AOPEP: variants seen among roughly 807,000 people sequenced by gnomAD.
The protein encoded by AOPEP is aminopeptidase O.
AOPEP carries 77 observed loss-of-function variants against 98.1 expected under a neutral mutation model. That is an observed-to-expected ratio of 0.78 (90% CI 0.65 to 0.95). The LOEUF is 0.95. Among genes scored for constraint, AOPEP ranks in the 40% least tolerant of loss-of-function variants. The pLI is 0.00. For missense variants in AOPEP, 1,024 were observed against 1,024.7 expected, an observed-to-expected ratio of 1.00 and a Z score of 0.01; for synonymous variants, 346 against 365.3, an observed-to-expected ratio of 0.95 and a Z score of 0.60.
intron 4 of AOPEP, 109 bp downstream of exon 4, chr9:94,793,027 C>T: frequency 1.6e-6 from 2 of 1,243,032 alleles, no homozygotes; most frequent in African/African-American, 1.5e-5. Flanking sequence ...TGCTGAGAAA[C>T]TAAACCAAAA....
chr9:94,931,814 A>T (rs1396092243), intron 7 of AOPEP: 42 of 1,545,202 alleles, frequency 2.7e-5, no homozygotes, highest in Non-Finnish European at 3.7e-5. Flanking sequence ...CTTTCTTCTT[A>T]AAGCACTTTC....
chr9:94,878,231 C>T (rs1448527154), intron 5 of AOPEP, among the ~76,000 whole-genome samples: 1 of 149,412 alleles, frequency 6.7e-6, no homozygotes, highest in African/African-American at 2.5e-5. Context: ...GATCTGTGAT[C>T]TTGGGAAAGC....
intron 13 of AOPEP, among the ~76,000 whole-genome samples, chr9:95,051,820 C>G (rs2066395630): frequency 1.3e-5 from 2 of 152,046 alleles, no homozygotes; most frequent in Non-Finnish European, 2.9e-5. Flanking sequence ...TCTCCTGCCT[C>G]TGCCTCCCAA....
intron 3 of AOPEP, among the ~76,000 whole-genome samples, chr9:94,781,360 A>C (rs1399382224): frequency 1.3e-5 from 2 of 152,294 alleles, no homozygotes; most frequent in Non-Finnish European, 2.9e-5. Flanking sequence ...CTTTATAATC[A>C]GGCAGAAGTA....
chr9:94,942,393 A>T (rs1413746940), intron 7 of AOPEP, among the ~76,000 whole-genome samples: 1 of 152,212 alleles, frequency 6.6e-6, no homozygotes, highest in Non-Finnish European at 1.5e-5. Flanking sequence ...AGAATGGATG[A>T]CAAAAACTAT....
rs1829716348 is a variant in AOPEP at position 94,728,245 on chromosome 9, A to ACACACACACACT, written c.-136+1505_-136+1506insTCACACACACAC. Among the ~76,000 whole-genome samples, 2 of 144,324 alleles carry ACACACACACACT rather than the reference A, an allele frequency of 1.4e-5. 1 individual carries two copies. Among genetic ancestry groups the ACACACACACACT allele is most frequent in the African/African-American group, 5.1e-5 (2 of 39,178 alleles). 94.7% of individuals were successfully genotyped at this position (144,324 alleles called of 152,430 possible). On this transcript the variant is annotated intron_variant, in intron 1 of 16. Transcript: ENST00000375315. Reference sequence around the variant, plus strand: ...CCTTCCTGCGTGCGCGCATGCACACACACACACACACACACACACACACAC... The same window carrying ACACACACACACT: ...CCTTCCTGCGTGCGCGCATGCACACACACACACACACTCACACACACACACACACACACACAC...
At chr9:94,731,754 C>T (rs1192581884) in intron 1 of AOPEP, among the ~76,000 whole-genome samples, 1 of 148,704 alleles carries the variant, frequency 6.7e-6, no homozygotes, top group Non-Finnish European at 1.5e-5. Context: ...GGTTTTTTTT[C>T]CCCCTGCCTT....
chr9:94,842,086 G>T (rs2042333856), intron 5 of AOPEP, among the ~76,000 whole-genome samples: 1 of 151,990 alleles, frequency 6.6e-6, no homozygotes, highest in South Asian at 2.1e-4. Context: ...AAGAAGCCAG[G>T]TGTGGTGTCT....
chr9:94,866,494 T>C (rs2135524043), intron 5 of AOPEP, among the ~76,000 whole-genome samples: 1 of 152,328 alleles, frequency 6.6e-6, no homozygotes, highest in African/African-American at 2.4e-5. Context: ...CATTAAAAAC[T>C]AATCATAATA....
intron 14 of AOPEP, chr9:95,061,070 T>G (rs2067277871): frequency 6.1e-6 from 2 of 325,642 alleles, no homozygotes; most frequent in Non-Finnish European, 1.2e-5. Flanking sequence ...AGTGGAATGT[T>G]TTTGAGTTGT....
At chr9:94,898,905 T>G (rs574731567) in intron 5 of AOPEP, among the ~76,000 whole-genome samples, 1 of 152,192 alleles carries the variant, frequency 6.6e-6, no homozygotes, top group Admixed American at 6.5e-5. Context: ...ATCACGCCAT[T>G]GCACTCCAGC....
At chr9:95,050,215 TCA>T (rs2066221130) in intron 13 of AOPEP, among the ~76,000 whole-genome samples, 2 of 152,366 alleles carry the variant, frequency 1.3e-5, no homozygotes, top group South Asian at 4.1e-4. Context: ...GCATCACCTC[TCA>T]CACATTGGCA....
intron 1 of AOPEP, among the ~76,000 whole-genome samples, chr9:94,750,834 GCCT>G (rs964132115): frequency 4.2e-5 from 6 of 141,182 alleles, no homozygotes; most frequent in African/African-American, 1.6e-4. Flanking sequence ...TGCAAGCTCT[GCCT>G]CCTGGGTTCA....
At chr9:94,862,837 A>G (rs1192226637) in intron 5 of AOPEP, among the ~76,000 whole-genome samples, 2 of 152,188 alleles carry the variant, frequency 1.3e-5, no homozygotes, top group African/African-American at 2.4e-5. Flanking sequence ...CCTAAGGACA[A>G]GAACTCCGTC....
chr9:94,749,763 C>T (rs1185858078), intron 1 of AOPEP, among the ~76,000 whole-genome samples: 1 of 152,082 alleles, frequency 6.6e-6, no homozygotes, highest in African/African-American at 2.4e-5. Context: ...CCTTTTAGTT[C>T]ATGTATTACA....
intron 2 of AOPEP, 35 bp from the exon 3 acceptor site, chr9:94,772,967 T>C: frequency 6.5e-6 from 10 of 1,550,168 alleles, no homozygotes; most frequent in Non-Finnish European, 8.8e-6. Context: ...ATTTTAAAGA[T>C]TCACCCCCTT....
At chr9:95,035,332 A>C (rs1184884121) in intron 13 of AOPEP, among the ~76,000 whole-genome samples, 2 of 152,000 alleles carry the variant, frequency 1.3e-5, no homozygotes, top group Non-Finnish European at 2.9e-5. Flanking sequence ...ATCTCGTAGG[A>C]GCAGTCAGCA....
At chr9:95,052,809 A>G (rs2066496335) in intron 13 of AOPEP, among the ~76,000 whole-genome samples, 1 of 152,222 alleles carries the variant, frequency 6.6e-6, no homozygotes, top group Non-Finnish European at 1.5e-5. Context: ...ATTTGTTAGT[A>G]TTGTAAGTAA....
At chr9:94,746,876 C>T (rs1034037151) in intron 1 of AOPEP, among the ~76,000 whole-genome samples, 4 of 151,862 alleles carry the variant, frequency 2.6e-5, no homozygotes, top group Non-Finnish European at 5.9e-5. Flanking sequence ...TAGACCCCCT[C>T]CCCCCCACTT....
Sources: allele counts gnomAD v4.1 joint callset (sites outside exome capture counted in the v4.1 genomes callset), GRCh38; gene constraint gnomAD v4.1.1; transcripts MANE v1.5; gene names NCBI Gene and HGNC (gene_info 2026-07-23, HGNC 2026-07-21).